Variants in ITGB6 observed in about 807,000 individuals in gnomAD.
The protein encoded by ITGB6 is integrin beta-6.
A neutral mutation model predicts 84.5 loss-of-function variants in ITGB6; 80 were observed. That is an observed-to-expected ratio of 0.95 (90% confidence interval 0.79 to 1.14). The LOEUF is 1.14. Among genes scored for constraint, ITGB6 ranks in the 50% most tolerant of loss-of-function variants. The pLI, the probability that ITGB6 is intolerant of heterozygous loss-of-function variation, is 0.00. For missense variants in ITGB6, 1,006 were observed against 968.0 expected (o/e 1.04, Z -0.52); for synonymous variants, 383 against 354.9 (o/e 1.08, Z -0.89).
At chr2:160,155,502 G>GTAC (rs1173342914) in intron 7 of ITGB6, among the ~76,000 whole-genome samples, 3 of 152,168 alleles carry the variant, frequency 2.0e-5, no homozygotes, top group Admixed American at 2.0e-4. Flanking sequence ...TATGACACAT[G>GTAC]TACTACCGTG....
intron 14 of ITGB6, among the ~76,000 whole-genome samples, chr2:160,103,788 A>T (rs185471799): frequency 6.6e-6 from 1 of 152,202 alleles, no homozygotes; most frequent in African/African-American, 2.4e-5. Flanking sequence ...CACTTCCTCC[A>T]GGAAGCTCCC....
chr2:160,105,696 C>T (rs1381997489), intron 14 of ITGB6, among the ~76,000 whole-genome samples: 1 of 152,132 alleles, frequency 6.6e-6, no homozygotes, highest in Non-Finnish European at 1.5e-5. Flanking sequence ...GCAACTTAAC[C>T]ATATTCTTTT....
chr2:160,199,374 C>A (rs1366171986), intron 1 of ITGB6, 116 bp from the exon 2 acceptor site: 1 of 701,762 alleles, frequency 1.4e-6, no homozygotes, highest in Non-Finnish European at 2.5e-6. Context: ...AGTTTAGTAT[C>A]CAAAATCAGT....
chr2:160,186,494 G>A (rs961554886), intron 4 of ITGB6, among the ~76,000 whole-genome samples: 1 of 152,206 alleles, frequency 6.6e-6, no homozygotes, highest in African/African-American at 2.4e-5. Context: ...TGGAGAAACA[G>A]AAATGCTTTT....
rs1260947548 is a variant in ITGB6, at chr2:160,172,532, A to G, written c.921+37T>C. On this transcript the variant is annotated intron_variant, in intron 6 of 14. Coordinates refer to ENST00000283249, the MANE Select transcript of ITGB6 (RefSeq NM_000888.5). ...TAGTTGTTGCTTCGTTCTCCTACTT[A>G]TAGCCCTGAAAACAGTACAGAGTGC... 12 of 1,536,960 alleles carry G rather than the reference A, an allele frequency of 7.8e-6. No individual in the cohort carries two copies. The Admixed American group carries it at 1.7e-4, about 22-fold the overall frequency.
intron 7 of ITGB6, among the ~76,000 whole-genome samples, chr2:160,156,012 C>T (rs555681867): frequency 1.8e-4 from 27 of 152,282 alleles, no homozygotes; most frequent in African/African-American, 6.3e-4. Flanking sequence ...TAAAGCTGAA[C>T]ATAAGCACAC....
At chr2:160,161,931 C>T (rs1184140511) in intron 7 of ITGB6, among the ~76,000 whole-genome samples, 1 of 152,212 alleles carries the variant, frequency 6.6e-6, no homozygotes, top group Non-Finnish European at 1.5e-5. Context: ...GGCTGCAACA[C>T]TTGTAATGCT....
Position 160,126,499 on chromosome 2 carries a change from C to T in ITGB6, c.1763G>A (p.Gly588Glu). 6.2e-7 allele frequency: 1 copy of T among 1,614,204 alleles called. No homozygotes were observed. Residue 588 changes from glycine to glutamate, a missense_variant, in exon 11 of 15, where the codon GGA (glycine) becomes GAA (glutamate). Gly to Glu is a moderately conservative substitution (Grantham distance 98). Transcript: ENST00000283249. Reference sequence around the variant, plus strand: ...GTCCCCGCGCCCGCTGCAGAGCACTCCATCTTCAGAGACGCAGGAGTCCGT... The same window carrying T: ...GTCCCCGCGCCCGCTGCAGAGCACTTCATCTTCAGAGACGCAGGAGTCCGT... ...TSTDSCVSED[G>E]VLCSGRGDCV...
intron 4 of ITGB6, 59 bp from the exon 5 acceptor site, chr2:160,174,198 G>GGCTGT: frequency 8.0e-7 from 1 of 1,256,962 alleles, no homozygotes; most frequent in Non-Finnish European, 1.1e-6. Flanking sequence ...CACAATTAAT[G>GGCTGT]GATCTAATAG....
At chr2:160,188,727 C>G (rs909546115) in intron 4 of ITGB6, among the ~76,000 whole-genome samples, 7 of 152,036 alleles carry the variant, frequency 4.6e-5, no homozygotes, top group African/African-American at 1.7e-4. Flanking sequence ...CCTCAGCCTC[C>G]TGAGTAGCTG....
intron 13 of ITGB6, among the ~76,000 whole-genome samples, chr2:160,108,661 A>C (rs1305197462): frequency 6.6e-6 from 1 of 152,230 alleles, no homozygotes; most frequent in Non-Finnish European, 1.5e-5. Context: ...ATTCTGATTC[A>C]GTGGGTCTTG....
At chr2:160,127,159 C>A (rs981184352) in intron 10 of ITGB6, among the ~76,000 whole-genome samples, 1 of 152,160 alleles carries the variant, frequency 6.6e-6, no homozygotes, top group Non-Finnish European at 1.5e-5. Flanking sequence ...TTTGAAATGG[C>A]TTGACCAAGC....
At position 160,196,239 on chromosome 2, in the gene ITGB6, C is replaced by A. The variant is rs756642881; in HGVS notation, c.323G>T (p.Ser108Ile). Residue 108 changes from serine (S) to isoleucine (I), a missense_variant, in exon 3 of 15, where the codon AGC (serine) becomes ATC (isoleucine). Ser to Ile is a moderately radical substitution (Grantham distance 142, BLOSUM62 -2). Transcript: ENST00000283249. ...SSDIVQIAPQ[S>I]LILKLRPGGA... The stretch of plus-strand genomic sequence containing the variant: ...ACCTGGTCTCAACTTAAGGATCAAG[C>A]TTTGAGGCGCAATCTGAACAATGTC... 1 of 1,613,958 alleles carries A rather than the reference C, an allele frequency of 6.2e-7. No individual in the cohort carries two copies. The highest frequency in any genetic ancestry group is 1.1e-5 in the South Asian group (1 of 91,072).
chr2:160,167,591 A>G lies in ITGB6; in HGVS notation c.1017+1621T>C, dbSNP rs148512109. 2.4e-3 allele frequency among the ~76,000 whole-genome samples: 373 copies of G among 152,328 alleles called. 1 individual carries two copies. The highest frequency in any genetic ancestry group is 8.2e-3 in the African/African-American group (340 of 41,578). On this transcript the variant is annotated intron_variant, in intron 7 of 14. Transcript: ENST00000283249. ...AAAATCGATGTCCTGCTGTTACATTAGAGGCAGACTCTAATCTGGCATTTT... is the reference window on the plus strand; with the variant it reads ...AAAATCGATGTCCTGCTGTTACATTGGAGGCAGACTCTAATCTGGCATTTT...
At chr2:160,128,625 C>T (rs1683331278) in intron 10 of ITGB6, among the ~76,000 whole-genome samples, 1 of 152,028 alleles carries the variant, frequency 6.6e-6, no homozygotes, top group South Asian at 2.1e-4. Flanking sequence ...ATGGAATGCT[C>T]AGGGTGTGGG....
At chr2:160,197,277 C>A (rs1686380342) in intron 2 of ITGB6, among the ~76,000 whole-genome samples, 3 of 151,716 alleles carry the variant, frequency 2.0e-5, no homozygotes, top group Admixed American at 2.0e-4. Flanking sequence ...GCCTGGGCGA[C>A]AGAGCAAGAC....
chr2:160,129,993 G>A (rs1224380266), intron 10 of ITGB6, among the ~76,000 whole-genome samples: 1 of 152,030 alleles, frequency 6.6e-6, no homozygotes, highest in Non-Finnish European at 1.5e-5. Flanking sequence ...ATGGGAATAT[G>A]TACCAAGAAA....
rs766751124 is a variant in ITGB6 at position 160,173,971 on chromosome 2, T to C, written c.759+3A>G. ...GAGTGAAACAGCACTCCCTTCAGCA[T>C]ACCTTACACACAGCAGCTTGCATAA... On this transcript the variant is annotated splice_donor_region_variant and intron_variant, in intron 5 of 14. Transcript: ENST00000283249. 4.3e-6 allele frequency: 7 copies of C among 1,609,922 alleles called. No individual in the cohort carries two copies. Among genetic ancestry groups the C allele is most frequent in the African/African-American group, 1.3e-5 (1 of 74,856 alleles).
intron 12 of ITGB6, among the ~76,000 whole-genome samples, chr2:160,113,896 G>C (rs1236341866): frequency 6.6e-6 from 1 of 152,044 alleles, no homozygotes; most frequent in Non-Finnish European, 1.5e-5. Flanking sequence ...TGAAGTCTTG[G>C]GGACTATGCG....
Sources: allele counts gnomAD v4.1 joint callset (sites outside exome capture counted in the v4.1 genomes callset), GRCh38; gene constraint gnomAD v4.1.1; transcripts MANE v1.5; gene names NCBI Gene and HGNC (gene_info 2026-07-23, HGNC 2026-07-21).